Variants in COL24A1 observed in about 807,000 individuals in gnomAD.
The protein encoded by COL24A1 is collagen type XXIV alpha 1 chain.
Under a neutral mutation model 253.9 loss-of-function variants are expected in COL24A1, and 224 were observed. That is an observed-to-expected ratio of 0.88 (90% CI 0.79 to 0.99). The LOEUF (loss-of-function observed/expected upper bound fraction) is 0.99. Among genes scored for constraint, COL24A1 ranks in the 50% least tolerant of loss-of-function variants. The pLI, the probability that COL24A1 is intolerant of heterozygous loss-of-function variation, is 0.00. For synonymous variants in COL24A1, 685 were observed against 673.7 expected (o/e 1.02, Z -0.26); for missense variants, 2,131 against 2,068.5 (o/e 1.03, Z -0.59).
At chr1:85,948,619 A>G (rs1295264031) in intron 24 of COL24A1, among the ~76,000 whole-genome samples, 1 of 150,982 alleles carries the variant, frequency 6.6e-6, no homozygotes, top group Non-Finnish European at 1.5e-5. Flanking sequence ...ATCCTTAAGG[A>G]GAGCAATGTC....
chr1:85,997,055 GTATATATA>G (rs59071699), intron 19 of COL24A1, among the ~76,000 whole-genome samples: 12 of 95,118 alleles, frequency 1.3e-4, no homozygotes, highest in Admixed American at 2.1e-4. Context: ...GTGTGTGTGT[GTATATATA>G]TATATATATA....
intron 31 of COL24A1, 60 bp downstream of exon 31, chr1:85,895,798 C>G: frequency 7.3e-7 from 1 of 1,362,388 alleles, no homozygotes. Context: ...TTTGAGCAGC[C>G]CCTTTCCCCC....
At chr1:85,915,991 C>A (rs1685861657) in intron 24 of COL24A1, among the ~76,000 whole-genome samples, 1 of 152,116 alleles carries the variant, frequency 6.6e-6, no homozygotes, top group Non-Finnish European at 1.5e-5. Flanking sequence ...ATCCCATGTG[C>A]ACCAGAACAA....
intron 35 of COL24A1, among the ~76,000 whole-genome samples, chr1:85,872,488 A>C (rs944212580): frequency 5.3e-5 from 8 of 152,156 alleles, no homozygotes; most frequent in Non-Finnish European, 1.2e-4. Context: ...ACCAAAACAG[A>C]GATATATACC....
intron 24 of COL24A1, among the ~76,000 whole-genome samples, chr1:85,948,601 A>G (rs1293681532): frequency 6.7e-6 from 1 of 149,752 alleles, no homozygotes; most frequent in African/African-American, 2.4e-5. Flanking sequence ...ACTTTTTGAG[A>G]TTTGATGATC....
intron 48 of COL24A1, among the ~76,000 whole-genome samples, chr1:85,785,599 A>C (rs562616959): frequency 2.7e-4 from 41 of 152,334 alleles, no homozygotes; most frequent in South Asian, 8.3e-4. Flanking sequence ...GCACAAAGGA[A>C]TATTCATGGT....
chr1:85,871,300 C>T (rs1336338513), intron 35 of COL24A1, among the ~76,000 whole-genome samples: 2 of 152,248 alleles, frequency 1.3e-5, no homozygotes, highest in African/African-American at 2.4e-5. Context: ...CCTTCTGAAA[C>T]TATTCCAATC....
chr1:85,745,449 G>A lies in COL24A1; in HGVS notation c.4495C>T (p.Gln1499Ter). The A allele has an allele frequency of 1.9e-6, 3 of 1,606,230 alleles. No individual in the cohort carries two copies. The highest frequency in any genetic ancestry group is 8.5e-7 in the Non-Finnish European group (1 of 1,176,148). ...QALIESNTALQMESYQNTEVT... is the reference protein window; with the variant it reads ...QALIESNTAL Reference sequence around the variant, plus strand: ...AAAACCAGATATGTTACCTCCATCTGTAGGGCAGTATTTGATTCAATCAAG... The same window carrying A: ...AAAACCAGATATGTTACCTCCATCTATAGGGCAGTATTTGATTCAATCAAG... Residue 1499 changes from glutamine (Q) to a stop codon, truncating the protein, a stop_gained, in exon 56 of 60, where the codon CAG becomes TAG. Coordinates refer to ENST00000370571, the MANE Select transcript of COL24A1 (RefSeq NM_152890.7). LOFTEE classifies it high-confidence loss of function.
intron 6 of COL24A1, among the ~76,000 whole-genome samples, chr1:86,091,989 T>C (rs1703524605): frequency 6.6e-6 from 1 of 152,120 alleles, no homozygotes; most frequent in South Asian, 2.1e-4. Context: ...CATCCTGTTG[T>C]AATTTTTACC....
intron 53 of COL24A1, among the ~76,000 whole-genome samples, chr1:85,766,402 AGAAAAAG>A (rs1667384815): frequency 6.7e-6 from 1 of 150,252 alleles, no homozygotes. Flanking sequence ...AAAGAAAGAA[AGAAAAAG>A]AAAAAGAAAA....
At chr1:85,852,014 T>C (rs930968081) in intron 37 of COL24A1, among the ~76,000 whole-genome samples, 1 of 152,234 alleles carries the variant, frequency 6.6e-6, no homozygotes, top group Non-Finnish European at 1.5e-5. Flanking sequence ...TAAAATATTA[T>C]CTTAAATGTT....
chr1:86,023,030 TGCATCATTAA>T (rs2101364963), intron 14 of COL24A1, 23 bp from the exon 15 acceptor site: 1 of 1,607,252 alleles, frequency 6.2e-7, no homozygotes, highest in Non-Finnish European at 8.5e-7. Flanking sequence ...AAGAAAGAAA[TGCATCATTAA>T]GCATTCATTA....
At chr1:86,112,717 G>T in intron 4 of COL24A1, 97 bp from the exon 5 acceptor site, 1 of 1,143,858 alleles carries the variant, frequency 8.7e-7, no homozygotes. Context: ...ATCCCTTTAA[G>T]CACTTGAGTT....
At chr1:85,945,698 G>T (rs999122651) in intron 24 of COL24A1, among the ~76,000 whole-genome samples, 1 of 149,432 alleles carries the variant, frequency 6.7e-6, no homozygotes, top group Non-Finnish European at 1.5e-5. Flanking sequence ...AGGTGGTTCT[G>T]GATTTTAAGA....
intron 47 of COL24A1, among the ~76,000 whole-genome samples, chr1:85,810,819 C>T (rs906780151): frequency 6.6e-6 from 1 of 152,158 alleles, no homozygotes. Flanking sequence ...TCCTGTAAAG[C>T]CTGAAGAACT....
At chr1:85,888,351 G>T (rs1682752837) in intron 32 of COL24A1, among the ~76,000 whole-genome samples, 1 of 152,104 alleles carries the variant, frequency 6.6e-6, no homozygotes, top group South Asian at 2.1e-4. Flanking sequence ...TTTGTTCTAA[G>T]GATAAAAATT....
chr1:85,858,621 C>CTCCCTCCTTCCTTCCTTCCTTCCT lies in COL24A1; in HGVS notation c.3301-9216_3301-9215insAGGAAGGAAGGAAGGAAGGAGGGA, dbSNP rs1347863094. On this transcript the variant is annotated intron_variant, in intron 37 of 59. Coordinates refer to ENST00000370571, the MANE Select transcript of COL24A1 (RefSeq NM_152890.7). Reference sequence around the variant, plus strand: ...AACATATTTTCTCCTTATTTTCTCCCTCCTTCCTTCCTTCCTTCCTTCCTT... The same window carrying CTCCCTCCTTCCTTCCTTCCTTCCT: ...AACATATTTTCTCCTTATTTTCTCCCTCCCTCCTTCCTTCCTTCCTTCCTTCCTTCCTTCCTTCCTTCCTTCCTT... Among the ~76,000 whole-genome samples, 193 of 113,364 alleles carry CTCCCTCCTTCCTTCCTTCCTTCCT rather than the reference C, an allele frequency of 1.7e-3. 5 individuals are homozygous for CTCCCTCCTTCCTTCCTTCCTTCCT. Among genetic ancestry groups the CTCCCTCCTTCCTTCCTTCCTTCCT allele is most frequent in the East Asian group, 3.5e-3 (12 of 3,392 alleles). 74.4% of individuals were successfully genotyped at this position (113,364 alleles called of 152,430 possible).
At chr1:85,820,534 C>A (rs1315753723) in intron 45 of COL24A1, among the ~76,000 whole-genome samples, 1 of 152,100 alleles carries the variant, frequency 6.6e-6, no homozygotes, top group Non-Finnish European at 1.5e-5. Flanking sequence ...CAACTGTGGG[C>A]CAAAAGTGAT....
chr1:85,916,601 G>A (rs1287350997), intron 24 of COL24A1, among the ~76,000 whole-genome samples: 2 of 152,124 alleles, frequency 1.3e-5, no homozygotes, highest in African/African-American at 4.8e-5. Context: ...TGTGAGGATC[G>A]CTTGGACTCA....
Sources: allele counts gnomAD v4.1 joint callset (sites outside exome capture counted in the v4.1 genomes callset), GRCh38; gene constraint gnomAD v4.1.1; transcripts MANE v1.5; gene names NCBI Gene and HGNC (gene_info 2026-07-23, HGNC 2026-07-21).